Variants in TDRD15 observed in about 807,000 individuals in gnomAD.
TDRD15 encodes tudor domain containing 15, also known as tudor domain-containing protein 15.
For synonymous variants in TDRD15, 503 were observed against 314.5 expected (o/e 1.60, Z -6.34); for missense variants, 1,416 against 904.7 (o/e 1.57, Z -7.25).
intron 2 of TDRD15, among the ~76,000 whole-genome samples, chr2:21,132,578 G>GGAT (rs1199317392): frequency 6.6e-6 from 1 of 151,962 alleles, no homozygotes; most frequent in Non-Finnish European, 1.5e-5. Flanking sequence ...GTGGGGTCAT[G>GGAT]GATGATGAAG....
downstream of TDRD15, among the ~76,000 whole-genome samples, chr2:21,144,378 T>C (rs753050607): frequency 6.6e-5 from 10 of 151,910 alleles, no homozygotes; most frequent in Non-Finnish European, 1.3e-4. Flanking sequence ...ACATTCTGTA[T>C]TATAACTAAT....
chr2:21,136,637 A>G (rs775749156), intron 3 of TDRD15, among the ~76,000 whole-genome samples: 4 of 152,034 alleles, frequency 2.6e-5, no homozygotes, highest in South Asian at 2.1e-4. Context: ...GTTTAGCTGT[A>G]TTCTGTCACA....
At chr2:21,129,918 C>T (rs1375618071) in intron 2 of TDRD15, among the ~76,000 whole-genome samples, 1 of 152,188 alleles carries the variant, frequency 6.6e-6, no homozygotes, top group Non-Finnish European at 1.5e-5. Context: ...AGCCACCTTG[C>T]TAGTGGGGAC....
At chr2:21,126,915 C>G (rs1026842023) in intron 1 of TDRD15, among the ~76,000 whole-genome samples, 8 of 152,144 alleles carry the variant, frequency 5.3e-5, no homozygotes, top group Admixed American at 2.0e-4. Flanking sequence ...CCAAGTGTTT[C>G]TATCGTTTTA....
In TDRD15 at chr2:21,142,559, G is replaced by A. The variant is rs982523270; in HGVS notation, c.5092G>A (p.Glu1698Lys). 3 of 707,482 alleles carry A rather than the reference G, an allele frequency of 4.2e-6. No individual in the cohort carries two copies. The highest frequency in any genetic ancestry group is 1.8e-5 in the African/African-American group (1 of 56,768). The allele number at this position is 707,482 out of a possible 1,614,324, so 43.8% of individuals were successfully genotyped here. The change falls in exon 4 of 4, where the codon GAA becomes AAA. Residue 1698 changes from glutamate to lysine, a missense_variant. By Grantham distance (56) the Glu-to-Lys change is moderately conservative. Transcript: ENST00000405799. ...YLNLNTVPVE[E>K]NKLRLAEIVY... ...AAATTTGAATACAGTTCCTGTTGAA[G>A]AAAACAAACTTAGACTTGCAGAAAT...
chr2:21,140,974 G>T lies in TDRD15; in HGVS notation c.3507G>T (p.Leu1169Phe). The T allele has an allele frequency of 1.4e-6, 1 of 713,974 alleles. No homozygotes were observed. Among genetic ancestry groups the T allele is most frequent in the South Asian group, 1.5e-5 (1 of 67,018 alleles). The allele number at this position is 713,974 out of a possible 1,614,324, so 44.2% of individuals were successfully genotyped here. A position where few individuals can be genotyped will look rare whatever the true frequency, so the allele number is the denominator to read the frequency against. ...INENKRFTTSLKGKTGNNYRH... is the reference protein window; with the variant it reads ...INENKRFTTSFKGKTGNNYRH... ...AGAATAAGAGATTTACTACTTCTTT[G>T]AAAGGCAAAACAGGAAACAACTATC... is the stretch of plus-strand genomic sequence containing the variant. Residue 1169 changes from leucine to phenylalanine, a missense_variant, in exon 4 of 4, where the codon TTG (leucine) becomes TTT (phenylalanine). Transcript: ENST00000405799.
chr2:21,130,598 T>C (rs901688520), intron 2 of TDRD15, among the ~76,000 whole-genome samples: 1 of 152,218 alleles, frequency 6.6e-6, no homozygotes, highest in Non-Finnish European at 1.5e-5. Context: ...CTTCATTCTT[T>C]TGCATGTGGG....
rs982855803 is a variant in TDRD15 at position 21,142,221 on chromosome 2, C to T, written c.4754C>T (p.Ser1585Phe). 3 of 692,172 alleles carry T rather than the reference C, an allele frequency of 4.3e-6. No individual in the cohort carries two copies. The highest frequency in any genetic ancestry group is 3.6e-5 in the African/African-American group (2 of 55,524). 42.9% of individuals were successfully genotyped at this position (692,172 alleles called of 1,614,324 possible). ...IEKGLECLAK[S>F]KNTLKWHRSK... is the part of the protein sequence containing the mutation. Reference sequence around the variant, plus strand: ...AAAGGTTTAGAATGCTTGGCAAAATCTAAAAATACCTTGAAATGGCATCGA... The same window carrying T: ...AAAGGTTTAGAATGCTTGGCAAAATTTAAAAATACCTTGAAATGGCATCGA... Residue 1585 changes from serine to phenylalanine, a missense_variant, in exon 4 of 4, where the codon TCT becomes TTT. Ser to Phe is a radical substitution (Grantham distance 155, BLOSUM62 -2). Coordinates refer to ENST00000405799, the MANE Select transcript of TDRD15 (RefSeq NM_001306137.2).
intron 3 of TDRD15, among the ~76,000 whole-genome samples, chr2:21,135,949 T>C (rs1002130907): frequency 6.6e-6 from 1 of 152,020 alleles, no homozygotes; most frequent in Admixed American, 6.6e-5. Context: ...CTATGTACTG[T>C]ATATACCACC....
intron 1 of TDRD15, among the ~76,000 whole-genome samples, chr2:21,125,281 TGAGA>T (rs1665562624): frequency 6.6e-6 from 1 of 151,300 alleles, no homozygotes; most frequent in African/African-American, 2.4e-5. Flanking sequence ...CGTCTGTGTG[TGAGA>T]GAGAGCGATC....
intron 2 of TDRD15, among the ~76,000 whole-genome samples, chr2:21,129,282 A>G (rs1665663283): frequency 2.0e-5 from 3 of 152,150 alleles, no homozygotes; most frequent in Non-Finnish European, 4.4e-5. Context: ...TAACTTTCTG[A>G]GGAATCACCA....
At chr2:21,128,057 T>C (rs1483278132) in intron 2 of TDRD15, among the ~76,000 whole-genome samples, 2 of 152,326 alleles carry the variant, frequency 1.3e-5, no homozygotes, top group East Asian at 3.9e-4. Context: ...GACTTCAAGA[T>C]TAATGGTACT....
Position 21,140,607 on chromosome 2 carries a change from T to C in TDRD15, c.3140T>C (p.Val1047Ala), listed in dbSNP as rs1385501500. ...DSSSEFQVYF[V>A]DFGNKQLVGE... Reference sequence around the variant, plus strand: ...TCATCTGAGTTTCAAGTCTATTTTGTAGACTTTGGAAATAAGCAATTAGTA... The same window carrying C: ...TCATCTGAGTTTCAAGTCTATTTTGCAGACTTTGGAAATAAGCAATTAGTA... Residue 1047 changes from valine (V) to alanine (A), a missense_variant, in exon 4 of 4, where the codon GTA becomes GCA. Physicochemically the swap from Val to Ala is moderately conservative, Grantham distance 64 (BLOSUM62 0). Transcript: ENST00000405799. 1.4e-6 allele frequency: 1 copy of C among 715,046 alleles called. No homozygotes were observed. The highest frequency in any genetic ancestry group is 2.0e-5 in the Admixed American group (1 of 49,842). 44.3% of individuals were successfully genotyped at this position (715,046 alleles called of 1,614,324 possible).
rs548247861 is a variant in TDRD15, at chr2:21,139,268, A to G, written c.1801A>G (p.Ile601Val). ...AGCGATGTGCTGTTCACTTGCACAT[A>G]TATTTCCTGTTGAAGATTTATGGAC... is the stretch of plus-strand genomic sequence containing the variant. Reference protein sequence around the residue: ...ALAMCCSLAHIFPVEDLWTKA... With the variant: ...ALAMCCSLAHVFPVEDLWTKA... Residue 601 changes from isoleucine to valine, a missense_variant, in exon 4 of 4, where the codon ATA becomes GTA. Physicochemically the swap from Ile to Val is conservative, Grantham distance 29 (BLOSUM62 3). Transcript: ENST00000405799. The G allele has an allele frequency of 4.5e-5, 32 of 714,422 alleles. No homozygotes were observed. The East Asian group carries it at 6.7e-4, about 15-fold the overall frequency. 44.3% of individuals were successfully genotyped at this position (714,422 alleles called of 1,614,324 possible). A position where few individuals can be genotyped will look rare whatever the true frequency, so the allele number is the denominator to read the frequency against.
chr2:21,139,763 T>C lies in TDRD15; in HGVS notation c.2296T>C (p.Tyr766His), dbSNP rs748792112. Reference sequence around the variant, plus strand: ...TCTTGAAGTTAAATGTTCCTGTTATTATGGCCCAGGTGACTTTTCATGCCA... The same window carrying C: ...TCTTGAAGTTAAATGTTCCTGTTATCATGGCCCAGGTGACTTTTCATGCCA... ...TVLEVKCSCYYGPGDFSCQLQ... is the reference protein window; with the variant it reads ...TVLEVKCSCYHGPGDFSCQLQ... Residue 766 changes from tyrosine to histidine, a missense_variant, in exon 4 of 4, where the codon TAT becomes CAT. Coordinates refer to ENST00000405799, the MANE Select transcript of TDRD15 (RefSeq NM_001306137.2). 8.0e-5 allele frequency: 57 copies of C among 715,356 alleles called. No individual in the cohort carries two copies. Among genetic ancestry groups the C allele is most frequent in the Non-Finnish European group, 1.4e-4 (52 of 384,014 alleles). The allele number at this position is 715,356 out of a possible 1,614,324, so 44.3% of individuals were successfully genotyped here. A position where few individuals can be genotyped will look rare whatever the true frequency, so the allele number is the denominator to read the frequency against.
rs1462568173 is a variant in TDRD15, at chr2:21,137,740, G to A, written c.273G>A (p.Val91=). ...VMEKKNELYT[V]LLIDRGEELR... ...AAAAGAAAAATGAACTCTATACAGTGCTCCTCATAGATCGCGGAGAAGAAC... is the reference window on the plus strand; with the variant it reads ...AAAAGAAAAATGAACTCTATACAGTACTCCTCATAGATCGCGGAGAAGAAC... Residue 91 remains valine (V), a synonymous_variant, in exon 4 of 4, where the codon GTG becomes GTA. Coordinates refer to ENST00000405799, the MANE Select transcript of TDRD15 (RefSeq NM_001306137.2). The A allele has an allele frequency of 7.0e-6, 5 of 716,512 alleles. No individual in the cohort carries two copies. In the African/African-American group the frequency reaches 7.0e-5, roughly 10 times the overall value. 44.4% of individuals were successfully genotyped at this position (716,512 alleles called of 1,614,324 possible). A position where few individuals can be genotyped will look rare whatever the true frequency, so the allele number is the denominator to read the frequency against.
chr2:21,141,239 G>C lies in TDRD15; in HGVS notation c.3772G>C (p.Val1258Leu), dbSNP rs1665921869. 2.8e-6 allele frequency: 2 copies of C among 712,898 alleles called. No individual in the cohort carries two copies. Among genetic ancestry groups the C allele is most frequent in the African/African-American group, 3.5e-5 (2 of 56,950 alleles). 44.2% of individuals were successfully genotyped at this position (712,898 alleles called of 1,614,324 possible). Residue 1258 changes from valine to leucine, a missense_variant, in exon 4 of 4, where the codon GTT becomes CTT. Physicochemically the swap from Val to Leu is conservative, Grantham distance 32. Transcript: ENST00000405799. ...NRRVGQKSVK[V>L]VSQSFIRALN... ...GCGTGTGGGCCAAAAATCAGTAAAG[G>C]TTGTATCACAGTCTTTTATCAGAGC...
chr2:21,126,081 CAT>C (rs1665585598), intron 1 of TDRD15, among the ~76,000 whole-genome samples: 1 of 152,044 alleles, frequency 6.6e-6, no homozygotes. Context: ...ACAAACTACA[CAT>C]ATTTGAAGTG....
At chr2:21,126,104 C>T (rs1219878135) in intron 1 of TDRD15, among the ~76,000 whole-genome samples, 2 of 152,100 alleles carry the variant, frequency 1.3e-5, no homozygotes, top group Non-Finnish European at 2.9e-5. Flanking sequence ...TACAATTTGA[C>T]ATTTGACACA....
Sources: gnomAD v4.1 joint callset for allele counts (sites outside exome capture counted in the v4.1 genomes callset) on GRCh38, gnomAD v4.1.1 for gene constraint, MANE v1.5 for transcripts, NCBI Gene and HGNC (gene_info 2026-07-23, HGNC 2026-07-21) for gene names.